Variants in ANK2 observed in about 807,000 individuals in gnomAD.
ANK2 encodes the protein ankyrin 2.
ANK2 carries 83 observed loss-of-function variants against 360.5 expected under a neutral mutation model. The ratio of observed to expected loss-of-function variants is 0.23; its 90% CI spans 0.19 to 0.28. The LOEUF is 0.28. Among genes scored for constraint, ANK2 ranks in the 10% least tolerant of loss-of-function variants. The pLI is 1.00. For synonymous variants in ANK2, 1,740 were observed against 1,759.5 expected (o/e 0.99, Z 0.28); for missense variants, 4,201 against 4,795.7 (o/e 0.88, Z 3.66).
chr4:113,001,170 A>C (rs978986579), intron 2 of ANK2, among the ~76,000 whole-genome samples: 1 of 152,086 alleles, frequency 6.6e-6, no homozygotes, highest in African/African-American at 2.4e-5. Context: ...GGCTCTACTA[A>C]AAAGACAAAA....
intron 2 of ANK2, among the ~76,000 whole-genome samples, chr4:112,941,118 A>G (rs752974688): frequency 7.6e-4 from 116 of 152,076 alleles, no homozygotes; most frequent in Non-Finnish European, 1.5e-3. Context: ...ACTGTACTCT[A>G]TTAAAATCAT....
chr4:113,023,543 C>T (rs1262671367), intron 2 of ANK2, among the ~76,000 whole-genome samples: 1 of 152,216 alleles, frequency 6.6e-6, no homozygotes, highest in Non-Finnish European at 1.5e-5. Context: ...GAAGAAATAT[C>T]ATTTCTCAGA....
chr4:112,838,164 T>G (rs2149767309), intron 1 of ANK2, among the ~76,000 whole-genome samples: 1 of 152,280 alleles, frequency 6.6e-6, no homozygotes, highest in South Asian at 2.1e-4. Flanking sequence ...GAGTGAGTTC[T>G]CATGAGAGCT....
chr4:113,017,719 T>C (rs2057014785), intron 2 of ANK2, among the ~76,000 whole-genome samples: 1 of 152,228 alleles, frequency 6.6e-6, no homozygotes, highest in Admixed American at 6.5e-5. Flanking sequence ...TAGAAAAACT[T>C]GGCAAGTGAA....
Position 113,359,282 on chromosome 4 carries a change from G to A in ANK2, c.10664G>A (p.Gly3555Asp). ...ATTGAACGCATCCCTGATGAAAATG[G>A]CCATGACCATGCTGAAGGTATTTGC... ...TLIERIPDENGHDHAEDPQDE... is the reference protein window; with the variant it reads ...TLIERIPDENDHDHAEDPQDE... Residue 3555 changes from glycine (G) to aspartate (D), a missense_variant, in exon 38 of 46, where the codon GGC becomes GAC. Gly to Asp is a moderately conservative substitution (Grantham distance 94, BLOSUM62 -1). Coordinates refer to ENST00000357077, the MANE Select transcript of ANK2 (RefSeq NM_001148.6). 1 of 1,613,786 alleles carries A rather than the reference G, an allele frequency of 6.2e-7. No homozygotes were observed. Among genetic ancestry groups the A allele is most frequent in the Non-Finnish European group, 8.5e-7 (1 of 1,179,856 alleles).
intron 1 of ANK2, among the ~76,000 whole-genome samples, chr4:112,878,657 G>A (rs1166371984): frequency 6.6e-6 from 1 of 151,654 alleles, no homozygotes; most frequent in African/African-American, 2.4e-5. Flanking sequence ...TTTTTTAGAC[G>A]GAGTCTCGCT....
At chr4:113,035,103 G>A (rs1053165789) in intron 2 of ANK2, among the ~76,000 whole-genome samples, 2 of 151,274 alleles carry the variant, frequency 1.3e-5, no homozygotes, top group Non-Finnish European at 3.0e-5. Flanking sequence ...TGAGTCTGTG[G>A]AAGAAATAAC....
At chr4:112,768,614 A>G in the ANK2 span, among the ~76,000 whole-genome samples, 1 of 151,776 alleles carries the variant, frequency 6.6e-6, no homozygotes, top group South Asian at 2.1e-4. Context: ...CTGTTTTTCT[A>G]CTTACTCTTT....
chr4:113,142,288 C>T (rs557091229), intron 1 of ANK2, among the ~76,000 whole-genome samples: 27 of 152,284 alleles, frequency 1.8e-4, no homozygotes, highest in African/African-American at 6.3e-4. Flanking sequence ...GTCTGGCAGC[C>T]ACCCTTGGTT....
At chr4:112,976,560 T>C (rs2041491657) in intron 2 of ANK2, among the ~76,000 whole-genome samples, 1 of 152,224 alleles carries the variant, frequency 6.6e-6, no homozygotes, top group South Asian at 2.1e-4. Flanking sequence ...ATGGGAATAA[T>C]TGTAGGGCTG....
At chr4:113,047,774 T>C (rs1194603490), upstream of ANK2, among the ~76,000 whole-genome samples, 1 of 151,932 alleles carries the variant, frequency 6.6e-6, no homozygotes, top group Admixed American at 6.6e-5. Context: ...GTGGAATGGG[T>C]CTGCTGAAAC....
At chr4:113,269,045 C>T (rs997812676) in intron 14 of ANK2, among the ~76,000 whole-genome samples, 1 of 152,110 alleles carries the variant, frequency 6.6e-6, no homozygotes, top group Non-Finnish European at 1.5e-5. Context: ...AGGCATTTAT[C>T]GTATTCTCTG....
chr4:112,752,857 G>T, the ANK2 span, among the ~76,000 whole-genome samples: 1 of 152,120 alleles, frequency 6.6e-6, no homozygotes, highest in Non-Finnish European at 1.5e-5. Context: ...GTAGAGAAGA[G>T]ATTTCATCAT....
chr4:112,774,945 G>A, the ANK2 span, among the ~76,000 whole-genome samples: 20 of 152,282 alleles, frequency 1.3e-4, no homozygotes, highest in Non-Finnish European at 2.4e-4. Flanking sequence ...GAATCAGGCC[G>A]CTGGAGAATA....
chr4:112,809,360 GAC>G, the ANK2 span, among the ~76,000 whole-genome samples: 1 of 150,806 alleles, frequency 6.6e-6, no homozygotes, highest in African/African-American at 2.4e-5. Flanking sequence ...AGGAGATCGA[GAC>G]CATTCTGGCT....
intron 4 of ANK2, among the ~76,000 whole-genome samples, chr4:113,222,490 T>C (rs1159403134): frequency 6.6e-6 from 1 of 151,462 alleles, no homozygotes; most frequent in Non-Finnish European, 1.5e-5. Context: ...TCTGCTTCCT[T>C]GGTTTCAGCA....
chr4:113,036,200 C>T (rs889122788), intron 2 of ANK2, among the ~76,000 whole-genome samples: 54 of 150,954 alleles, frequency 3.6e-4, no homozygotes, highest in African/African-American at 1.2e-3. Flanking sequence ...CTCTTTGAGT[C>T]ATTTTTTCCA....
chr4:113,346,483 A>C (rs1034170266), intron 35 of ANK2, among the ~76,000 whole-genome samples: 2 of 152,148 alleles, frequency 1.3e-5, no homozygotes, highest in African/African-American at 4.8e-5. Context: ...CATATTATTA[A>C]ATTCAGAACT....
chr4:113,061,708 G>C lies in ANK2; in HGVS notation c.84+11896G>C, dbSNP rs1051354762. ...CCAATTTATATTTGCCTGGATATTT[G>C]AAGTATCTTCAATAATACTGCTGTT... On this transcript the variant is annotated intron_variant, in intron 1 of 45. Coordinates refer to ENST00000357077, the MANE Select transcript of ANK2 (RefSeq NM_001148.6). 7.2e-5 allele frequency among the ~76,000 whole-genome samples: 11 copies of C among 152,070 alleles called. No homozygotes were observed. In the South Asian group the frequency reaches 1.7e-3, roughly 23 times the overall value.
Sources: gnomAD v4.1 joint callset for allele counts (sites outside exome capture counted in the v4.1 genomes callset) on GRCh38, gnomAD v4.1.1 for gene constraint, MANE v1.5 for transcripts, NCBI Gene and HGNC (gene_info 2026-07-23, HGNC 2026-07-21) for gene names.